Variants in ROBO1 observed in about 807,000 individuals in gnomAD.
ROBO1 encodes roundabout guidance receptor 1.
In ROBO1, 149 loss-of-function variants were observed where a neutral mutation model predicts 195.9. The ratio of observed to expected loss-of-function variants is 0.76; its 90% CI spans 0.67 to 0.87. The LOEUF (loss-of-function observed/expected upper bound fraction) is 0.87, where lower values mean the gene tolerates loss of function less well. ROBO1 is among the 40% of genes least tolerant of loss of function. The pLI is 0.00. For missense variants in ROBO1, 1,933 were observed against 2,068.3 expected, an observed-to-expected ratio of 0.93 and a Z score of 1.27; for synonymous variants, 816 against 733.2, an observed-to-expected ratio of 1.11 and a Z score of -1.82.
intron 4 of ROBO1, among the ~76,000 whole-genome samples, chr3:78,875,957 T>C (rs2035818309): frequency 6.6e-6 from 1 of 152,086 alleles, no homozygotes; most frequent in South Asian, 2.1e-4. Flanking sequence ...TATATCAGCA[T>C]AGTAAATATA....
chr3:79,634,900 T>A (rs904191105), intron 1 of ROBO1, among the ~76,000 whole-genome samples: 2 of 152,178 alleles, frequency 1.3e-5, no homozygotes, highest in Non-Finnish European at 2.9e-5. Flanking sequence ...AATGTAGCTT[T>A]CCAACACAAT....
chr3:79,231,931 G>A (rs1261511427), intron 2 of ROBO1, among the ~76,000 whole-genome samples: 2 of 152,028 alleles, frequency 1.3e-5, no homozygotes, highest in African/African-American at 4.8e-5. Context: ...GGATGGAACT[G>A]GGGGCCATTA....
At chr3:78,920,956 A>T (rs978256477) in intron 4 of ROBO1, among the ~76,000 whole-genome samples, 1 of 152,126 alleles carries the variant, frequency 6.6e-6, no homozygotes, top group Non-Finnish European at 1.5e-5. Context: ...GTTGGTTATA[A>T]CAGGCATGAG....
intron 4 of ROBO1, among the ~76,000 whole-genome samples, chr3:78,858,584 AAGGAGAAGAAG>A (rs1049036344): frequency 7.0e-6 from 1 of 142,354 alleles, no homozygotes; most frequent in Non-Finnish European, 1.5e-5. Flanking sequence ...AAAAAAAAAA[AAGGAGAAGAAG>A]AAAAATTATC....
intron 4 of ROBO1, among the ~76,000 whole-genome samples, chr3:78,919,833 G>A (rs1459358207): frequency 2.0e-5 from 3 of 152,272 alleles, no homozygotes; most frequent in Admixed American, 2.0e-4. Context: ...AAATTTTATT[G>A]GAGGAATCCA....
intron 2 of ROBO1, among the ~76,000 whole-genome samples, chr3:79,273,718 CTGAA>C (rs1013535155): frequency 6.7e-6 from 1 of 149,564 alleles, no homozygotes; most frequent in African/African-American, 2.5e-5. Flanking sequence ...AAGACAGTGA[CTGAA>C]TGAAAAAAAA....
At chr3:79,151,776 C>T (rs2080776014) in intron 2 of ROBO1, among the ~76,000 whole-genome samples, 1 of 151,770 alleles carries the variant, frequency 6.6e-6, no homozygotes, top group South Asian at 2.1e-4. Context: ...ATAGGCCAAG[C>T]TCATCCTTGT....
chr3:78,683,791 T>TA (rs1025133055), intron 10 of ROBO1, among the ~76,000 whole-genome samples: 1 of 151,420 alleles, frequency 6.6e-6, no homozygotes, highest in African/African-American at 2.4e-5. Flanking sequence ...TCAAGGTAGA[T>TA]AAAAAAAATT....
chr3:79,760,103 G>A (rs1053590786), intron 1 of ROBO1, among the ~76,000 whole-genome samples: 8 of 151,402 alleles, frequency 5.3e-5, no homozygotes, highest in African/African-American at 1.7e-4. Flanking sequence ...TGGGTGTGGT[G>A]GTGTGCATCT....
chr3:79,559,261 T>C (rs1454050337), intron 2 of ROBO1, among the ~76,000 whole-genome samples: 1 of 152,224 alleles, frequency 6.6e-6, no homozygotes, highest in Non-Finnish European at 1.5e-5. Flanking sequence ...CTTACCTGGT[T>C]CTGAGTGCTG....
chr3:79,605,469 C>A (rs1438441162), intron 1 of ROBO1, among the ~76,000 whole-genome samples: 1 of 151,880 alleles, frequency 6.6e-6, no homozygotes, highest in Admixed American at 6.6e-5. Context: ...ACAGTAACCT[C>A]GAATTTAACA....
intron 1 of ROBO1, among the ~76,000 whole-genome samples, chr3:79,686,723 C>A (rs577991099): frequency 4.7e-4 from 71 of 152,198 alleles, no homozygotes; most frequent in African/African-American, 1.7e-3. Context: ...AAAGAGGATA[C>A]AAACAAATGC....
intron 4 of ROBO1, among the ~76,000 whole-genome samples, chr3:78,928,705 G>C (rs1297998969): frequency 6.6e-6 from 1 of 152,130 alleles, no homozygotes; most frequent in Non-Finnish European, 1.5e-5. Context: ...TTCCAAGAAT[G>C]CCTTTAAGCA....
intron 2 of ROBO1, among the ~76,000 whole-genome samples, chr3:79,314,538 A>G (rs1487333697): frequency 1.3e-5 from 2 of 152,218 alleles, no homozygotes; most frequent in Non-Finnish European, 2.9e-5. Context: ...CTGCCCAGCC[A>G]TGCTCAACTG....
intron 2 of ROBO1, among the ~76,000 whole-genome samples, chr3:79,471,953 G>C (rs1298750367): frequency 2.6e-5 from 4 of 151,310 alleles, no homozygotes; most frequent in African/African-American, 9.7e-5. Flanking sequence ...GGGGCTAGGG[G>C]AGGGATAACA....
chr3:78,961,137 G>A (rs909908862), intron 3 of ROBO1, among the ~76,000 whole-genome samples: 1 of 152,026 alleles, frequency 6.6e-6, no homozygotes, highest in East Asian at 1.9e-4. Context: ...ACATATACTG[G>A]CAATACTTCT....
intron 4 of ROBO1, among the ~76,000 whole-genome samples, chr3:78,755,798 T>C (rs2082914332): frequency 6.6e-6 from 1 of 152,196 alleles, no homozygotes; most frequent in South Asian, 2.1e-4. Context: ...GATATCCTTA[T>C]TTTTTAAAAA....
At chr3:78,749,887 G>A (rs1316864059) in intron 4 of ROBO1, among the ~76,000 whole-genome samples, 2 of 151,980 alleles carry the variant, frequency 1.3e-5, no homozygotes, top group Non-Finnish European at 2.9e-5. Flanking sequence ...ATTTTAATTT[G>A]GAATTGTCAA....
At chr3:79,602,590 A>G (rs1313226989) in intron 1 of ROBO1, among the ~76,000 whole-genome samples, 1 of 152,024 alleles carries the variant, frequency 6.6e-6, no homozygotes, top group Non-Finnish European at 1.5e-5. Context: ...GCTGGTGAGA[A>G]GGCTACTGCA....
Sources: allele counts gnomAD v4.1 joint callset (sites outside exome capture counted in the v4.1 genomes callset), GRCh38; gene constraint gnomAD v4.1.1; transcripts MANE v1.5; gene names NCBI Gene and HGNC (gene_info 2026-07-23, HGNC 2026-07-21).